FBXW7: variants seen among roughly 807,000 people sequenced by gnomAD.
FBXW7 encodes F-box/WD repeat-containing protein 7.
Under a neutral mutation model 86.3 loss-of-function variants are expected in FBXW7, and 11 were observed. That is an observed-to-expected ratio of 0.13 (90% CI 0.08 to 0.21). The LOEUF (loss-of-function observed/expected upper bound fraction) is 0.21, where lower values mean the gene tolerates loss of function less well. Ranked by LOEUF, FBXW7 falls within the 10% of genes least tolerant of loss-of-function variation. The pLI, the probability that FBXW7 is intolerant of heterozygous loss-of-function variation, is 1.00. For missense variants in FBXW7, 488 were observed against 847.4 expected (o/e 0.58, Z 5.27); for synonymous variants, 313 against 297.9 (o/e 1.05, Z -0.52).
intron 3 of FBXW7, among the ~76,000 whole-genome samples, chr4:152,412,122 A>T (rs900713872): frequency 6.6e-6 from 1 of 152,200 alleles, no homozygotes; most frequent in Admixed American, 6.6e-5. Context: ...TAGCATGAAG[A>T]TTTATAGTTT....
intron 4 of FBXW7, among the ~76,000 whole-genome samples, chr4:152,390,008 A>C (rs1735860659): frequency 6.6e-6 from 1 of 152,196 alleles, no homozygotes; most frequent in South Asian, 2.1e-4. Flanking sequence ...AGCTACAGGC[A>C]TAATGATTTT....
At chr4:152,373,286 G>C (rs766998893) in intron 4 of FBXW7, among the ~76,000 whole-genome samples, 2 of 151,948 alleles carry the variant, frequency 1.3e-5, no homozygotes, top group Non-Finnish European at 2.9e-5. Flanking sequence ...ATGAGTTTAT[G>C]TATAGAAAGT....
chr4:152,405,161 CA>C (rs1440080989), intron 4 of FBXW7, among the ~76,000 whole-genome samples: 4 of 147,112 alleles, frequency 2.7e-5, no homozygotes, highest in Non-Finnish European at 4.5e-5. Context: ...TGCCAGTCTT[CA>C]ATTCTCAAAC....
chr4:152,493,521 T>TC (rs1034910849), intron 2 of FBXW7, among the ~76,000 whole-genome samples: 5 of 151,994 alleles, frequency 3.3e-5, no homozygotes. Context: ...CCAAACTGTC[T>TC]CCCCCAAAAT....
At chr4:152,397,635 T>C (rs1345216426) in intron 4 of FBXW7, among the ~76,000 whole-genome samples, 2 of 143,504 alleles carry the variant, frequency 1.4e-5, no homozygotes, top group Non-Finnish European at 3.0e-5. Flanking sequence ...TCTTCACACA[T>C]TGACATTACC....
At chr4:152,474,527 C>A (rs907902681) in intron 2 of FBXW7, among the ~76,000 whole-genome samples, 7 of 152,186 alleles carry the variant, frequency 4.6e-5, no homozygotes, top group African/African-American at 1.7e-4. Flanking sequence ...GAAATCAATT[C>A]TCAAATTACC....
chr4:152,343,867 T>TA (rs2126619863), intron 6 of FBXW7, among the ~76,000 whole-genome samples: 1 of 152,268 alleles, frequency 6.6e-6, no homozygotes, highest in African/African-American at 2.4e-5. Context: ...TTCTATTTTC[T>TA]AGTGGCATTC....
intron 4 of FBXW7, 48 bp from the exon 5 acceptor site, chr4:152,350,172 A>T: frequency 8.6e-7 from 1 of 1,165,332 alleles, no homozygotes; most frequent in East Asian, 2.6e-5. Context: ...TCGTCTAACT[A>T]TCAAATCTTG....
At chr4:152,437,783 C>CTT (rs760162108) in intron 2 of FBXW7, among the ~76,000 whole-genome samples, 3 of 152,350 alleles carry the variant, frequency 2.0e-5, no homozygotes, top group Non-Finnish European at 4.4e-5. Flanking sequence ...CAACATCACT[C>CTT]TATCAGTCAG....
chr4:152,421,916 TAA>T (rs1738983040), intron 2 of FBXW7, among the ~76,000 whole-genome samples: 1 of 152,010 alleles, frequency 6.6e-6, no homozygotes, highest in South Asian at 2.1e-4. Flanking sequence ...GATAGTAACA[TAA>T]AAGAGATCGC....
At chr4:152,515,857 T>C (rs1274891875) in intron 2 of FBXW7, among the ~76,000 whole-genome samples, 1 of 152,050 alleles carries the variant, frequency 6.6e-6, no homozygotes, top group Non-Finnish European at 1.5e-5. Context: ...TAAGAATTTG[T>C]CTTATATTTT....
rs186755327 is a variant in FBXW7 at position 152,512,434 on chromosome 4, G to T, written c.-120+22507C>A. 2.0e-5 allele frequency among the ~76,000 whole-genome samples: 3 copies of T among 152,256 alleles called. 1 individual carries two copies. In the East Asian group the frequency reaches 5.8e-4, roughly 29 times the overall value. On this transcript the variant is annotated intron_variant, in intron 2 of 13. Coordinates refer to ENST00000281708, the MANE Select transcript of FBXW7 (RefSeq NM_001349798.2). ...GAAAGCTTTGATAAGAATGGAGGAC[G>T]ATATTAAGAAATTAATGTTCTTGAA...
Position 152,326,249 on chromosome 4 carries a change from G to T in FBXW7, c.1419-18C>A. On this transcript the variant is annotated intron_variant, in intron 11 of 13. Transcript: ENST00000281708. ...TAACAACTCTGCAGAGGGAGAAACA[G>T]AAAAACAAAACAAAACAAAAAAACC... 1 of 1,513,482 alleles carries T rather than the reference G, an allele frequency of 6.6e-7. No individual in the cohort carries two copies. The highest frequency in any genetic ancestry group is 8.9e-7 in the Non-Finnish European group (1 of 1,123,414). 93.8% of individuals were successfully genotyped at this position (1,513,482 alleles called of 1,614,324 possible). A position where few individuals can be genotyped will look rare whatever the true frequency, so the allele number is the denominator to read the frequency against.
intron 4 of FBXW7, among the ~76,000 whole-genome samples, chr4:152,352,269 T>A (rs757576611): frequency 3.9e-4 from 59 of 152,128 alleles, no homozygotes; most frequent in Non-Finnish European, 7.1e-4. Context: ...AAATATACAT[T>A]TTATCTTAAA....
At chr4:152,458,956 C>T (rs1296467976) in intron 2 of FBXW7, among the ~76,000 whole-genome samples, 1 of 152,124 alleles carries the variant, frequency 6.6e-6, no homozygotes, top group East Asian at 1.9e-4. Flanking sequence ...GAAAGCAAAA[C>T]CAATACAGCC....
At chr4:152,447,985 A>G (rs1275968390) in intron 2 of FBXW7, among the ~76,000 whole-genome samples, 1 of 152,248 alleles carries the variant, frequency 6.6e-6, no homozygotes, top group East Asian at 1.9e-4. Context: ...AAGACTATGA[A>G]TTGATGAATG....
At chr4:152,473,672 C>T (rs147000427) in intron 2 of FBXW7, among the ~76,000 whole-genome samples, 224 of 152,030 alleles carry the variant, frequency 1.5e-3, no homozygotes, top group African/African-American at 5.0e-3. Context: ...TCCATAGAAA[C>T]TGGGTCTTGT....
intron 12 of FBXW7, chr4:152,325,080 T>G (rs1173713735): frequency 6.6e-6 from 1 of 152,018 alleles, no homozygotes; most frequent in Non-Finnish European, 1.5e-5. Flanking sequence ...CTACCTCTTT[T>G]CTCAATCAAA....
chr4:152,520,151 C>T (rs944526545), intron 2 of FBXW7, among the ~76,000 whole-genome samples: 8 of 152,162 alleles, frequency 5.3e-5, no homozygotes, highest in African/African-American at 9.7e-5. Context: ...CAATCATTAC[C>T]GGCCGGGCGC....
Sources: allele counts gnomAD v4.1 joint callset (sites outside exome capture counted in the v4.1 genomes callset), GRCh38; gene constraint gnomAD v4.1.1; transcripts MANE v1.5; gene names NCBI Gene and HGNC (gene_info 2026-07-23, HGNC 2026-07-21).